Variants in NRG3 observed in about 807,000 individuals in gnomAD.
The protein encoded by NRG3 is pro-neuregulin-3, membrane-bound isoform.
In NRG3, 31 loss-of-function variants were observed where a neutral mutation model predicts 66.9. That is an observed-to-expected ratio of 0.46 (90% CI 0.35 to 0.63). The LOEUF is 0.63. NRG3 is among the 20% of genes least tolerant of loss of function. The pLI, the probability that NRG3 is intolerant of heterozygous loss-of-function variation, is 0.00. For missense variants in NRG3, 910 were observed against 878.9 expected (o/e 1.04, Z -0.45); for synonymous variants, 393 against 359.4 (o/e 1.09, Z -1.06).
intron 2 of NRG3, among the ~76,000 whole-genome samples, chr10:82,465,130 T>C (rs1430638609): frequency 3.3e-5 from 5 of 152,136 alleles, no homozygotes. Flanking sequence ...CCAGAGTGGC[T>C]GCAAGGCTAA....
At chr10:82,152,193 G>A (rs759508084) in intron 1 of NRG3, among the ~76,000 whole-genome samples, 13 of 152,080 alleles carry the variant, frequency 8.5e-5, no homozygotes, top group East Asian at 1.9e-4. Context: ...CAGTTAAACC[G>A]TATTTACAAA....
intron 4 of NRG3, among the ~76,000 whole-genome samples, chr10:82,893,547 G>A (rs1005937223): frequency 1.3e-5 from 2 of 152,120 alleles, no homozygotes; most frequent in African/African-American, 4.8e-5. Context: ...AATTTGCTGG[G>A]TGTGTTGGCG....
intron 2 of NRG3, among the ~76,000 whole-genome samples, chr10:82,526,833 A>G (rs1846751404): frequency 6.6e-6 from 1 of 152,088 alleles, no homozygotes; most frequent in Non-Finnish European, 1.5e-5. Flanking sequence ...AATACCATAC[A>G]TACCAAACAA....
At chr10:82,449,221 C>G (rs2090898985) in intron 2 of NRG3, among the ~76,000 whole-genome samples, 1 of 152,166 alleles carries the variant, frequency 6.6e-6, no homozygotes, top group African/African-American at 2.4e-5. Flanking sequence ...GTCAGCTTCC[C>G]TGGTAGTAGA....
At chr10:82,426,325 T>C (rs996999808) in intron 2 of NRG3, among the ~76,000 whole-genome samples, 1 of 152,042 alleles carries the variant, frequency 6.6e-6, no homozygotes, top group African/African-American at 2.4e-5. Context: ...CAGTCTCCAG[T>C]AGTGAGTAAG....
At chr10:82,617,017 G>A (rs2048697300) in intron 2 of NRG3, among the ~76,000 whole-genome samples, 1 of 152,174 alleles carries the variant, frequency 6.6e-6, no homozygotes. Context: ...CTGGGCATAC[G>A]TATTGGGGGA....
At chr10:82,283,180 G>A (rs2079220435) in intron 1 of NRG3, among the ~76,000 whole-genome samples, 1 of 152,026 alleles carries the variant, frequency 6.6e-6, no homozygotes, top group East Asian at 1.9e-4. Flanking sequence ...TCCCAGGGGT[G>A]AAGATTGGAT....
At chr10:82,777,249 TG>T (rs2059945019) in intron 3 of NRG3, among the ~76,000 whole-genome samples, 1 of 152,080 alleles carries the variant, frequency 6.6e-6, no homozygotes, top group African/African-American at 2.4e-5. Flanking sequence ...GGCAGCGTAG[TG>T]GCAGGGTAAG....
intron 2 of NRG3, among the ~76,000 whole-genome samples, chr10:82,453,543 G>A (rs1314770198): frequency 6.6e-6 from 1 of 152,076 alleles, no homozygotes; most frequent in African/African-American, 2.4e-5. Flanking sequence ...CCTAAACTAA[G>A]CATCACACAA....
chr10:82,703,712 G>A (rs1272913857), intron 2 of NRG3, among the ~76,000 whole-genome samples: 1 of 152,070 alleles, frequency 6.6e-6, no homozygotes, highest in African/African-American at 2.4e-5. Flanking sequence ...TAAGGCATTT[G>A]GCCTAACTGT....
chr10:82,983,667 T>G (rs2132691430), intron 8 of NRG3, among the ~76,000 whole-genome samples: 1 of 152,348 alleles, frequency 6.6e-6, no homozygotes. Flanking sequence ...ACAAGGTTTT[T>G]TAAAAATAAA....
intron 2 of NRG3, among the ~76,000 whole-genome samples, chr10:82,454,301 A>C (rs542431876): frequency 1.3e-5 from 2 of 152,300 alleles, no homozygotes; most frequent in Non-Finnish European, 2.9e-5. Context: ...AATTTTACCT[A>C]TTTGTAATGG....
intron 3 of NRG3, among the ~76,000 whole-genome samples, chr10:82,755,641 G>T (rs1037808810): frequency 6.6e-6 from 1 of 152,070 alleles, no homozygotes; most frequent in Non-Finnish European, 1.5e-5. Context: ...CCAACCAAAG[G>T]AAATTTGGGA....
chr10:82,089,939 G>A (rs1253703867), intron 1 of NRG3, among the ~76,000 whole-genome samples: 1 of 152,146 alleles, frequency 6.6e-6, no homozygotes, highest in Admixed American at 6.5e-5. Flanking sequence ...TGTGATCATA[G>A]GCAAGTCAGT....
chr10:82,860,534 G>A (rs1414336265), intron 3 of NRG3, among the ~76,000 whole-genome samples: 6 of 152,104 alleles, frequency 3.9e-5, no homozygotes, highest in Non-Finnish European at 5.9e-5. Flanking sequence ...TCCCCTCTCC[G>A]TGCTTCCGTT....
rs1301268015 is a variant in NRG3, at chr10:81,875,831, C to T, written c.491C>T (p.Ala164Val). The change falls in exon 1 of 9, where the codon GCG (alanine) becomes GTG (valine). Residue 164 changes from alanine to valine, a missense_variant. Transcript: ENST00000372141. This position sits in a 1 kb window ranked among gnomAD's most constrained non-coding sequence, Gnocchi z 5.3. ...ISTRLTTITRAPTRFPGHRVP... is the reference protein window; with the variant it reads ...ISTRLTTITRVPTRFPGHRVP... ...ACTCGCCTGACCACCATCACGCGGG[C>T]GCCCACTCGCTTCCCCGGGCACCGG... is the stretch of plus-strand genomic sequence containing the variant. 6.2e-7 allele frequency: 1 copy of T among 1,608,986 alleles called. No individual in the cohort carries two copies.
intron 1 of NRG3, among the ~76,000 whole-genome samples, chr10:82,357,315 G>T (rs568560381): frequency 1.3e-5 from 2 of 152,336 alleles, no homozygotes; most frequent in South Asian, 2.1e-4. Context: ...AGGATTTTTA[G>T]ATGTGGGAGA....
At chr10:82,978,865 T>C (rs1270253399) in intron 7 of NRG3, 85 bp from the exon 8 acceptor site, 1 of 1,404,986 alleles carries the variant, frequency 7.1e-7, no homozygotes, top group Admixed American at 2.1e-5. Context: ...ATTCAGTGTT[T>C]GCAAAGCTTG....
intron 2 of NRG3, among the ~76,000 whole-genome samples, chr10:82,641,986 C>T (rs2050614102): frequency 6.6e-6 from 1 of 152,066 alleles, no homozygotes; most frequent in Admixed American, 6.6e-5. Flanking sequence ...TCAACCTCCC[C>T]CTTTCCAAGT....
Sources: gnomAD v4.1 joint callset for allele counts (sites outside exome capture counted in the v4.1 genomes callset) on GRCh38, gnomAD v4.1.1 for gene constraint, Gnocchi (gnomAD v3.1) non-coding constraint, MANE v1.5 for transcripts, NCBI Gene and HGNC (gene_info 2026-07-23, HGNC 2026-07-21) for gene names.